TARBP1: variants seen among roughly 807,000 people sequenced by gnomAD.
The protein encoded by TARBP1 is tRNA guanosine 2 -O-methyltransferase TARBP1, also known as tRNA (guanosine(18)-2'-O)-methyltransferase TARBP1.
A neutral mutation model predicts 178.6 loss-of-function variants in TARBP1; 144 were observed. The ratio of observed to expected loss-of-function variants is 0.81; its 90% CI spans 0.70 to 0.93. The LOEUF (loss-of-function observed/expected upper bound fraction) is 0.93. Among genes scored for constraint, TARBP1 ranks in the 40% least tolerant of loss-of-function variants. The pLI, the probability that TARBP1 is intolerant of heterozygous loss-of-function variation, is 0.00. For missense variants in TARBP1, 2,067 were observed against 2,011.7 expected, an observed-to-expected ratio of 1.03 and a Z score of -0.53; for synonymous variants, 787 against 781.0, an observed-to-expected ratio of 1.01 and a Z score of -0.13.
At chr1:234,437,949 T>C (rs1465306285) in intron 12 of TARBP1, among the ~76,000 whole-genome samples, 2 of 152,234 alleles carry the variant, frequency 1.3e-5, no homozygotes, top group African/African-American at 4.8e-5. Flanking sequence ...TGCACGGATC[T>C]GATGCTAATC....
chr1:234,396,223 C>T (rs918627455), intron 26 of TARBP1, among the ~76,000 whole-genome samples: 5 of 152,222 alleles, frequency 3.3e-5, no homozygotes, highest in Middle Eastern at 3.2e-3. Flanking sequence ...TTCCCTGCTC[C>T]GCTTTACGCA....
chr1:234,427,906 G>A (rs1558189979), intron 17 of TARBP1, 140 bp from the exon 18 acceptor site: 7 of 479,642 alleles, frequency 1.5e-5, no homozygotes, highest in Non-Finnish European at 2.0e-5. Context: ...ATAACTTTGC[G>A]AGATGATCAA....
intron 14 of TARBP1, among the ~76,000 whole-genome samples, chr1:234,431,434 C>T (rs761245667): frequency 6.6e-6 from 1 of 152,198 alleles, no homozygotes; most frequent in Non-Finnish European, 1.5e-5. Flanking sequence ...CACTAACAGA[C>T]TAATAGGTAC....
intron 9 of TARBP1, among the ~76,000 whole-genome samples, chr1:234,457,241 G>A (rs1162474947): frequency 6.6e-6 from 1 of 152,182 alleles, no homozygotes; most frequent in African/African-American, 2.4e-5. Context: ...TGATGAATTG[G>A]ATGCAGAAAG....
At chr1:234,447,397 T>TTTTTTTTTC (rs1453500207) in intron 11 of TARBP1, among the ~76,000 whole-genome samples, 1,849 of 142,788 alleles carry the variant, frequency 0.013, 77 homozygotes, top group African/African-American at 0.047. Context: ...TAACCAACTT[T>TTTTTTTTTC]TTTTTTTTTT....
intron 9 of TARBP1, among the ~76,000 whole-genome samples, chr1:234,452,781 C>T (rs915469882): frequency 6.6e-5 from 10 of 151,984 alleles, no homozygotes; most frequent in African/African-American, 2.4e-4. Flanking sequence ...AGTAGTCTTA[C>T]AACTGCCAAA....
chr1:234,395,940 C>T (rs994552112), intron 26 of TARBP1, among the ~76,000 whole-genome samples: 4 of 152,098 alleles, frequency 2.6e-5, no homozygotes, highest in Admixed American at 1.3e-4. Context: ...TCATCACAAA[C>T]GTGAGAGGTG....
intron 10 of TARBP1, among the ~76,000 whole-genome samples, chr1:234,450,028 A>AC: frequency 6.6e-6 from 1 of 152,348 alleles, no homozygotes; most frequent in South Asian, 2.1e-4. Context: ...AGTTCATACT[A>AC]AACGTGCTTT....
At chr1:234,401,345 T>C (rs1660662670) in intron 24 of TARBP1, 83 bp from the exon 25 acceptor site, 1 of 1,066,758 alleles carries the variant, frequency 9.4e-7, no homozygotes, top group South Asian at 1.4e-5. Flanking sequence ...TCTTAAAGGG[T>C]GGCTGCAGAG....
intron 23 of TARBP1, among the ~76,000 whole-genome samples, chr1:234,409,768 T>C (rs1661612518): frequency 6.6e-6 from 1 of 152,244 alleles, no homozygotes; most frequent in Admixed American, 6.5e-5. Flanking sequence ...AATAACACTA[T>C]TTCAATTAAG....
chr1:234,466,115 T>C (rs973378291), intron 4 of TARBP1, among the ~76,000 whole-genome samples: 8 of 152,198 alleles, frequency 5.3e-5, no homozygotes, highest in African/African-American at 1.9e-4. Context: ...AAATTACTAT[T>C]AGATACTGGT....
intron 21 of TARBP1, among the ~76,000 whole-genome samples, chr1:234,418,454 G>C (rs1015243514): frequency 6.6e-6 from 1 of 152,174 alleles, no homozygotes; most frequent in Non-Finnish European, 1.5e-5. Context: ...TATCTATAAG[G>C]AAGGTTATCC....
intron 6 of TARBP1, among the ~76,000 whole-genome samples, chr1:234,462,808 T>C (rs570410733): frequency 6.6e-6 from 1 of 152,260 alleles, no homozygotes; most frequent in South Asian, 2.1e-4. Context: ...AAAGTCATGA[T>C]ATACAGACCA....
At chr1:234,467,741 C>A in intron 3 of TARBP1, 91 bp from the exon 4 acceptor site, 1 of 1,239,380 alleles carries the variant, frequency 8.1e-7, no homozygotes, top group Non-Finnish European at 1.1e-6. Context: ...CAAACACACA[C>A]AATAACTTCA....
chr1:234,445,617 A>C (rs186410532), intron 12 of TARBP1, among the ~76,000 whole-genome samples: 25 of 152,270 alleles, frequency 1.6e-4, no homozygotes, highest in African/African-American at 6.0e-4. Context: ...TACCTCAATA[A>C]AGTAGTTAAA....
intron 9 of TARBP1, among the ~76,000 whole-genome samples, chr1:234,450,904 A>T (rs1666690654): frequency 6.6e-6 from 1 of 152,160 alleles, no homozygotes; most frequent in Admixed American, 6.5e-5. Flanking sequence ...CTTATATAAA[A>T]TGTACACTTT....
intron 10 of TARBP1, among the ~76,000 whole-genome samples, chr1:234,450,032 G>A (rs752131343): frequency 6.6e-6 from 1 of 152,048 alleles, no homozygotes; most frequent in Non-Finnish European, 1.5e-5. Context: ...CATACTAAAC[G>A]TGCTTTAAAA....
intron 28 of TARBP1, 199 bp from the exon 29 acceptor site, chr1:234,392,751 C>G (rs1001009939): frequency 8.1e-5 from 31 of 383,394 alleles, no homozygotes; most frequent in Non-Finnish European, 1.4e-4. Flanking sequence ...TGCTGTGTCA[C>G]CCAGGCTGGA....
At chr1:234,422,089 T>C (rs1663170213) in intron 20 of TARBP1, among the ~76,000 whole-genome samples, 1 of 152,184 alleles carries the variant, frequency 6.6e-6, no homozygotes, top group Non-Finnish European at 1.5e-5. Flanking sequence ...CTCAATGCAA[T>C]TAAAAATGGA....
Sources: allele counts gnomAD v4.1 joint callset (sites outside exome capture counted in the v4.1 genomes callset), GRCh38; gene constraint gnomAD v4.1.1; transcripts MANE v1.5; gene names NCBI Gene and HGNC (gene_info 2026-07-23, HGNC 2026-07-21).